GRIN2A: variants seen among roughly 807,000 people sequenced by gnomAD.
GRIN2A encodes glutamate ionotropic receptor NMDA type subunit 2A, also known as glutamate receptor ionotropic, NMDA 2A.
In GRIN2A, 22 loss-of-function variants were observed where a neutral mutation model predicts 113.4. The observed-to-expected ratio is 0.19, with a 90% confidence interval of 0.14 to 0.28. The LOEUF (loss-of-function observed/expected upper bound fraction) is 0.28. Among genes scored for constraint, GRIN2A ranks in the 10% least tolerant of loss-of-function variants. GRIN2A has a pLI of 1.00. For synonymous variants in GRIN2A, 827 were observed against 738.4 expected (o/e 1.12, Z -1.94); for missense variants, 1,502 against 1,887.0 (o/e 0.80, Z 3.78).
intron 2 of GRIN2A, chr16:10,171,666 T>A (rs1352284659): frequency 6.6e-6 from 1 of 152,248 alleles, no homozygotes; most frequent in Non-Finnish European, 1.5e-5. Flanking sequence ...AACCACATCA[T>A]CCTTAATCAC....
At chr16:9,979,202 T>G (rs1157646428) in intron 2 of GRIN2A, among the ~76,000 whole-genome samples, 1 of 152,204 alleles carries the variant, frequency 6.6e-6, no homozygotes, top group Non-Finnish European at 1.5e-5. Context: ...GCTCTCATTC[T>G]GTGACTTACT....
At chr16:10,013,936 G>A (rs1021344593) in intron 2 of GRIN2A, among the ~76,000 whole-genome samples, 11 of 152,160 alleles carry the variant, frequency 7.2e-5, no homozygotes, top group Admixed American at 2.0e-4. Flanking sequence ...CAACGAAGCC[G>A]TCTCAGACCA....
intron 2 of GRIN2A, among the ~76,000 whole-genome samples, chr16:10,149,235 T>C (rs1317029322): frequency 6.6e-6 from 1 of 152,238 alleles, no homozygotes; most frequent in Non-Finnish European, 1.5e-5. Flanking sequence ...ATTGGATTGT[T>C]TGTCACACAA....
At position 9,772,942 on chromosome 16, in the gene GRIN2A, A is replaced by AG. The variant is rs1901369890; in HGVS notation, c.2357-3854_2357-3853insC. ...AATTTCAAAAAAAAAAAAAAAAAAA[A>AG]AGAGCAAATGCACATTTCTCATTAC... On this transcript the variant is annotated intron_variant, in intron 11 of 12. Transcript: ENST00000330684. 4.0e-5 allele frequency among the ~76,000 whole-genome samples: 6 copies of AG among 151,816 alleles called. No individual in the cohort carries two copies. In the South Asian group the frequency reaches 1.3e-3, roughly 32 times the overall value.
At chr16:9,926,405 G>T (rs566430440) in intron 3 of GRIN2A, among the ~76,000 whole-genome samples, 2 of 152,276 alleles carry the variant, frequency 1.3e-5, no homozygotes, top group South Asian at 4.1e-4. Flanking sequence ...TATCCCAGCA[G>T]TGCTTTATAT....
At chr16:10,113,248 C>T (rs1045569299) in intron 2 of GRIN2A, among the ~76,000 whole-genome samples, 7 of 152,192 alleles carry the variant, frequency 4.6e-5, no homozygotes, top group Non-Finnish European at 7.4e-5. Flanking sequence ...CCCCAGCCCC[C>T]CCAGGAAATG....
chr16:9,938,634 A>G (rs1232405581), intron 2 of GRIN2A, 83 bp from the exon 3 acceptor site: 21 of 909,620 alleles, frequency 2.3e-5, no homozygotes, highest in Non-Finnish European at 3.8e-5. Context: ...AGAAGTAAGG[A>G]AAGTAAATCA....
chr16:9,924,201 G>T (rs2044412642), intron 3 of GRIN2A, among the ~76,000 whole-genome samples: 1 of 149,210 alleles, frequency 6.7e-6, no homozygotes, highest in Non-Finnish European at 1.5e-5. Context: ...CTTTTGTGAT[G>T]ATCCATATTC....
intron 2 of GRIN2A, among the ~76,000 whole-genome samples, chr16:10,013,092 C>T (rs765890417): frequency 2.0e-5 from 3 of 152,108 alleles, no homozygotes; most frequent in Non-Finnish European, 4.4e-5. Context: ...GTACAACAAA[C>T]CCCAGTGACA....
intron 2 of GRIN2A, among the ~76,000 whole-genome samples, chr16:10,090,261 G>A (rs1331716759): frequency 6.6e-6 from 1 of 151,972 alleles, no homozygotes; most frequent in Non-Finnish European, 1.5e-5. Flanking sequence ...GAAAAACAAT[G>A]GTGAAGGACT....
In GRIN2A at chr16:9,840,491, C is replaced by T. The variant is rs989015878; in HGVS notation, c.1651+156G>A. 2.0e-5 allele frequency among the ~76,000 whole-genome samples: 3 copies of T among 152,166 alleles called. No homozygotes were observed. In the South Asian group the frequency reaches 6.2e-4, roughly 32 times the overall value. ...ATTTGGGTGGGGACCCAAAGCCTAA[C>T]CCTTTCATAGGATAATTCAAATGCA... is the stretch of plus-strand genomic sequence containing the variant. On this transcript the variant is annotated intron_variant, in intron 7 of 12. Coordinates refer to ENST00000330684, the MANE Select transcript of GRIN2A (RefSeq NM_001134407.3).
chr16:10,030,700 CCTT>C (rs2046912214), intron 2 of GRIN2A, among the ~76,000 whole-genome samples: 1 of 152,156 alleles, frequency 6.6e-6, no homozygotes, highest in African/African-American at 2.4e-5. Context: ...CTTCTTTTTA[CCTT>C]CTTCTTTGCT....
chr16:10,177,464 CCAA>C (rs1281496969), intron 2 of GRIN2A, among the ~76,000 whole-genome samples: 3 of 152,106 alleles, frequency 2.0e-5, no homozygotes, highest in African/African-American at 7.2e-5. Context: ...TCTGAAAGTC[CCAA>C]CAACAATCAG....
chr16:9,914,310 C>A (rs1329233012), intron 3 of GRIN2A, among the ~76,000 whole-genome samples: 3 of 152,178 alleles, frequency 2.0e-5, no homozygotes, highest in African/African-American at 7.2e-5. Context: ...CCAGCAGATG[C>A]ACCAACAAGA....
At chr16:10,038,708 C>A (rs917200222) in intron 2 of GRIN2A, among the ~76,000 whole-genome samples, 1 of 151,640 alleles carries the variant, frequency 6.6e-6, no homozygotes, top group African/African-American at 2.4e-5. Flanking sequence ...ATTACCCGGG[C>A]ATGGCAGCAG....
At chr16:9,864,069 C>G (rs976307813) in intron 4 of GRIN2A, among the ~76,000 whole-genome samples, 1 of 152,158 alleles carries the variant, frequency 6.6e-6, no homozygotes, top group Non-Finnish European at 1.5e-5. Flanking sequence ...TTTTTTAATA[C>G]CTGCATAAAG....
intron 3 of GRIN2A, among the ~76,000 whole-genome samples, chr16:9,913,322 A>G (rs1465773353): frequency 6.6e-6 from 1 of 152,228 alleles, no homozygotes; most frequent in East Asian, 1.9e-4. Flanking sequence ...TATTTCATTC[A>G]AAAATATACA....
intron 2 of GRIN2A, among the ~76,000 whole-genome samples, chr16:10,062,467 T>A (rs979160019): frequency 6.6e-6 from 1 of 152,176 alleles, no homozygotes; most frequent in African/African-American, 2.4e-5. Context: ...TCTCTTTGCC[T>A]CCAGACCTAA....
At chr16:9,813,725 A>C (rs2042134844) in intron 10 of GRIN2A, among the ~76,000 whole-genome samples, 1 of 150,566 alleles carries the variant, frequency 6.6e-6, no homozygotes, top group Non-Finnish European at 1.5e-5. Context: ...GTCTGTGTTT[A>C]CTTGAGTTTT....
Sources: allele counts gnomAD v4.1 joint callset (sites outside exome capture counted in the v4.1 genomes callset), GRCh38; gene constraint gnomAD v4.1.1; transcripts MANE v1.5; gene names NCBI Gene and HGNC (gene_info 2026-07-23, HGNC 2026-07-21).